The following SYN3 variants were observed in gnomAD, a reference collection of about 807,000 sequenced individuals.
SYN3 encodes the protein synapsin III.
Under a neutral mutation model 65.8 loss-of-function variants are expected in SYN3, and 35 were observed. The observed-to-expected ratio is 0.53, with a 90% CI of 0.41 to 0.70. The LOEUF is 0.70. Ranked by LOEUF, SYN3 falls within the 30% of genes least tolerant of loss-of-function variation. The pLI is 0.00. For synonymous variants in SYN3, 270 were observed against 292.9 expected (o/e 0.92, Z 0.80); for missense variants, 680 against 749.0 (o/e 0.91, Z 1.08).
intron 6 of SYN3, among the ~76,000 whole-genome samples, chr22:32,826,146 G>A (rs1445667938): frequency 1.3e-5 from 2 of 152,040 alleles, no homozygotes; most frequent in South Asian, 2.1e-4. Flanking sequence ...AGGAAATAAT[G>A]AGCCTGGTGT....
intron 7 of SYN3, among the ~76,000 whole-genome samples, chr22:32,542,597 G>T (rs879699920): frequency 1.3e-5 from 2 of 150,258 alleles, no homozygotes; most frequent in East Asian, 3.9e-4. Flanking sequence ...TTGTACATGT[G>T]GTATATAGTA....
chr22:32,984,611 T>G (rs2052471165), intron 2 of SYN3, among the ~76,000 whole-genome samples: 1 of 152,044 alleles, frequency 6.6e-6, no homozygotes, highest in Admixed American at 6.6e-5. Context: ...AAGAGTGCAA[T>G]TTGTAGGGTC....
At chr22:32,901,014 G>A (rs146562889) in intron 4 of SYN3, among the ~76,000 whole-genome samples, 6 of 152,336 alleles carry the variant, frequency 3.9e-5, no homozygotes, top group African/African-American at 1.2e-4. Flanking sequence ...TGCTGAATGA[G>A]TGTTAGGATA....
intron 6 of SYN3, among the ~76,000 whole-genome samples, chr22:32,766,170 A>G (rs899320142): frequency 6.6e-6 from 1 of 152,216 alleles, no homozygotes; most frequent in African/African-American, 2.4e-5. Flanking sequence ...GGTGAGATAT[A>G]GAGCCTTTGG....
intron 3 of SYN3, among the ~76,000 whole-genome samples, chr22:32,940,603 C>T (rs558803857): frequency 5.3e-5 from 8 of 152,162 alleles, no homozygotes; most frequent in African/African-American, 1.7e-4. Context: ...TACTTTGGTA[C>T]CATTTATTGA....
chr22:32,793,186 G>T (rs900607557), intron 6 of SYN3, among the ~76,000 whole-genome samples: 1 of 152,208 alleles, frequency 6.6e-6, no homozygotes, highest in African/African-American at 2.4e-5. Flanking sequence ...GCAGGGAGAT[G>T]ATTATTTATT....
intron 6 of SYN3, among the ~76,000 whole-genome samples, chr22:32,713,524 A>G (rs919636636): frequency 6.6e-6 from 1 of 152,156 alleles, no homozygotes; most frequent in African/African-American, 2.4e-5. Flanking sequence ...AGACTTGACA[A>G]TATGTCCTAG....
At chr22:32,735,110 G>A (rs2061321941) in intron 6 of SYN3, among the ~76,000 whole-genome samples, 1 of 152,208 alleles carries the variant, frequency 6.6e-6, no homozygotes, top group Non-Finnish European at 1.5e-5. Context: ...TTCTGTGGAA[G>A]TGTTTACTGA....
intron 6 of SYN3, among the ~76,000 whole-genome samples, chr22:32,761,523 T>C (rs1321919293): frequency 1.3e-5 from 2 of 152,276 alleles, no homozygotes; most frequent in African/African-American, 2.4e-5. Flanking sequence ...CCAGAGGCCA[T>C]GGGATTTAGC....
intron 6 of SYN3, among the ~76,000 whole-genome samples, chr22:32,606,758 C>T (rs1424624966): frequency 2.0e-5 from 3 of 151,986 alleles, no homozygotes; most frequent in Non-Finnish European, 2.9e-5. Context: ...TTGCCTGCAG[C>T]GAAGTCCCTC....
At chr22:32,734,557 G>T (rs77069664) in intron 6 of SYN3, among the ~76,000 whole-genome samples, 2,011 of 143,718 alleles carry the variant, frequency 0.014, 45 homozygotes, top group East Asian at 0.059. Context: ...GGATGGCCCT[G>T]TGATGGCTGC....
At chr22:32,719,763 GC>G (rs1369566678) in intron 6 of SYN3, among the ~76,000 whole-genome samples, 1 of 152,160 alleles carries the variant, frequency 6.6e-6, no homozygotes, top group African/African-American at 2.4e-5. Flanking sequence ...TGGGAGGATG[GC>G]TTTAGCCTAG....
At chr22:32,677,299 CA>C (rs5845016) in intron 6 of SYN3, among the ~76,000 whole-genome samples, 38,448 of 151,906 alleles carry the variant, frequency 0.25, 6,811 homozygotes, top group East Asian at 0.64. Context: ...AGGAGTGTGC[CA>C]GGGGAAGAAG....
chr22:32,583,924 C>T (rs1360905823), intron 7 of SYN3: 3 of 152,192 alleles, frequency 2.0e-5, no homozygotes, highest in Non-Finnish European at 4.4e-5. Flanking sequence ...TAAGAATTGC[C>T]TAAGATGTTC....
intron 6 of SYN3, among the ~76,000 whole-genome samples, chr22:32,756,454 GT>G (rs2045295250): frequency 6.6e-6 from 1 of 152,174 alleles, no homozygotes; most frequent in Non-Finnish European, 1.5e-5. Context: ...AAAATGGACA[GT>G]CTGATGCTTG....
At chr22:32,996,301 C>G (rs563720297) in intron 2 of SYN3, among the ~76,000 whole-genome samples, 1 of 151,762 alleles carries the variant, frequency 6.6e-6, no homozygotes, top group Non-Finnish European at 1.5e-5. Context: ...ATGGGTAGGA[C>G]CAAACAAAGT....
intron 13 of SYN3, among the ~76,000 whole-genome samples, chr22:32,515,816 C>T (rs1238395496): frequency 4.7e-5 from 7 of 147,710 alleles, no homozygotes; most frequent in South Asian, 4.3e-4. Flanking sequence ...TTTTTTTTTT[C>T]GAGATGGAGT....
At chr22:32,620,146 G>A (rs915329652) in intron 6 of SYN3, among the ~76,000 whole-genome samples, 6 of 152,168 alleles carry the variant, frequency 3.9e-5, no homozygotes, top group African/African-American at 9.7e-5. Context: ...ATAGCTAACC[G>A]ATACATAAAC....
chr22:32,765,347 G>T lies in SYN3; in HGVS notation c.711+99568C>A, dbSNP rs182127534. On this transcript the variant is annotated intron_variant, in intron 6 of 13. Coordinates refer to ENST00000358763, the MANE Select transcript of SYN3 (RefSeq NM_003490.4). The stretch of plus-strand genomic sequence containing the variant: ...GCTCGCCCACTTCATCTGCCCTGGG[G>T]TCTCTGCAGCTTCTCACTCCTCCCG... 2.2e-4 allele frequency among the ~76,000 whole-genome samples: 34 copies of T among 152,244 alleles called. No homozygotes were observed. The East Asian group carries it at 6.4e-3, about 29-fold the overall frequency.
Sources: gnomAD v4.1 joint callset for allele counts (sites outside exome capture counted in the v4.1 genomes callset) on GRCh38, gnomAD v4.1.1 for gene constraint, MANE v1.5 for transcripts, NCBI Gene and HGNC (gene_info 2026-07-23, HGNC 2026-07-21) for gene names.